The following MYSM1 variants were observed in gnomAD, a reference collection of about 807,000 sequenced individuals.
MYSM1 encodes Myb like, SWIRM and MPN domains 1, also known as deubiquitinase MYSM1.
A neutral mutation model predicts 116.0 loss-of-function variants in MYSM1; 51 were observed. The ratio of observed to expected loss-of-function variants is 0.44; its 90% CI spans 0.35 to 0.56. The LOEUF is 0.56. MYSM1 is among the 20% of genes least tolerant of loss of function. The pLI is 0.00. For missense variants in MYSM1, 900 were observed against 974.9 expected, an observed-to-expected ratio of 0.92 and a Z score of 1.02; for synonymous variants, 313 against 315.2, an observed-to-expected ratio of 0.99 and a Z score of 0.07.
intron 3 of MYSM1, among the ~76,000 whole-genome samples, chr1:58,692,039 G>A (rs373705014): frequency 2.6e-5 from 4 of 151,952 alleles, no homozygotes; most frequent in African/African-American, 7.3e-5. Flanking sequence ...TGAGGATATC[G>A]GAAAATTTTA....
chr1:58,690,286 G>T, intron 4 of MYSM1, 37 bp from the exon 5 acceptor site: 1 of 1,582,180 alleles, frequency 6.3e-7, no homozygotes, highest in Non-Finnish European at 8.6e-7. Context: ...GGAAGCGTGT[G>T]AGGTTTCTAA....
chr1:58,696,357 C>A (rs1410556260), intron 1 of MYSM1, among the ~76,000 whole-genome samples: 1 of 152,184 alleles, frequency 6.6e-6, no homozygotes, highest in African/African-American at 2.4e-5. Context: ...TGGATCTCTA[C>A]CTGAATCTCC....
chr1:58,690,418 C>T lies in MYSM1; in HGVS notation c.219-1G>A, dbSNP rs201886018. On this transcript the variant is annotated splice_acceptor_variant, in intron 3 of 19. Transcript: ENST00000472487. LOFTEE classifies it high-confidence loss of function. ...TTGTGATTTTTTAGATAAATAATATCTGTGTAACTATCAAGGAAACTTTTT... is the reference window on the plus strand; with the variant it reads ...TTGTGATTTTTTAGATAAATAATATTTGTGTAACTATCAAGGAAACTTTTT... The T allele has an allele frequency of 2.0e-4, 320 of 1,583,000 alleles. 1 individual carries two copies. Among genetic ancestry groups the T allele is most frequent in the Middle Eastern group, 5.0e-4 (3 of 5,944 alleles).
At chr1:58,698,101 TA>T (rs1360413989) in intron 1 of MYSM1, among the ~76,000 whole-genome samples, 13,254 of 32,844 alleles carry the variant, frequency 0.4, 2,739 homozygotes, top group South Asian at 0.56. Flanking sequence ...TATATATATA[TA>T]TTTTTTTTTT....
chr1:58,661,195 T>A lies in MYSM1; in HGVS notation c.2303A>T (p.Asp768Val). The A allele has an allele frequency of 6.2e-7, 1 of 1,613,310 alleles. No homozygotes were observed. The highest frequency in any genetic ancestry group is 8.5e-7 in the Non-Finnish European group (1 of 1,179,420). ...TTTCTGCAAACAAGTCAGGTCAGAA[T>A]CCCGGCGAAAGATTTTATCCATGGG... The part of the protein sequence containing the change: ...SVPMDKIFRR[D>V]SDLTCLQKLL... The change falls in exon 19 of 20, where the codon GAT becomes GTT. Residue 768 changes from aspartate (D) to valine (V), a missense_variant. By Grantham distance (152) the Asp-to-Val change is radical. Transcript: ENST00000472487.
Position 58,669,013 on chromosome 1 carries a change from G to GT in MYSM1, c.1686dup (p.Pro563ThrfsTer3). 6.2e-7 allele frequency: 1 copy of GT among 1,601,946 alleles called. No homozygotes were observed. The highest frequency in any genetic ancestry group is 2.2e-5 in the East Asian group (1 of 44,654). On this transcript the variant is annotated frameshift_variant, in exon 13 of 20. Coordinates refer to ENST00000472487, the MANE Select transcript of MYSM1 (RefSeq NM_001085487.3). LOFTEE classifies it high-confidence loss of function. ...TTTTCTTCACTAAAAAAATTACAAG[G>GT]TATCAGTTGGAAGGGATCAAACGAG...
At chr1:58,683,501 C>T (rs1644779399) in intron 7 of MYSM1, among the ~76,000 whole-genome samples, 1 of 151,982 alleles carries the variant, frequency 6.6e-6, no homozygotes, top group Non-Finnish European at 1.5e-5. Context: ...TATATTAAGC[C>T]ATAAAAGTAT....
intron 10 of MYSM1, among the ~76,000 whole-genome samples, chr1:58,675,150 G>GA (rs892787493): frequency 6.7e-5 from 10 of 148,960 alleles, no homozygotes; most frequent in Admixed American, 2.0e-4. Context: ...ATCAATGAGA[G>GA]AAAAAAAAAC....
intron 8 of MYSM1, among the ~76,000 whole-genome samples, chr1:58,677,360 T>C (rs472129): frequency 0.058 from 8,781 of 152,192 alleles, 793 homozygotes; most frequent in African/African-American, 0.2. Flanking sequence ...CAGACACAAA[T>C]TGAATCTTTA....
intron 15 of MYSM1, among the ~76,000 whole-genome samples, chr1:58,667,432 C>A (rs1644490723): frequency 6.6e-6 from 1 of 152,116 alleles, no homozygotes; most frequent in South Asian, 2.1e-4. Flanking sequence ...TCTACTCAAA[C>A]AAGGTCATAA....
rs1644349262 is a variant in MYSM1 at position 58,658,677 on chromosome 1, A to G, written c.*1320T>C. Reference sequence around the variant, plus strand: ...TAGTAAGAATGTTTGGTGAATAGCTATAAATCAATTCTCTGACTACTAAGA... The same window carrying G: ...TAGTAAGAATGTTTGGTGAATAGCTGTAAATCAATTCTCTGACTACTAAGA... On this transcript the variant is annotated 3_prime_UTR_variant, in exon 20 of 20. Coordinates refer to ENST00000472487, the MANE Select transcript of MYSM1 (RefSeq NM_001085487.3). 6.7e-6 allele frequency: 1 copy of G among 149,150 alleles called. No individual in the cohort carries two copies. The highest frequency in any genetic ancestry group is 2.0e-4 in the East Asian group (1 of 5,076). 9.2% of individuals were successfully genotyped at this position (149,150 alleles called of 1,614,324 possible).
intron 2 of MYSM1, among the ~76,000 whole-genome samples, chr1:58,694,334 A>G (rs1253190046): frequency 6.6e-6 from 1 of 152,194 alleles, no homozygotes; most frequent in Non-Finnish European, 1.5e-5. Context: ...ATAAGTAACT[A>G]CTACATGGCC....
chr1:58,692,187 G>A (rs534823955), intron 3 of MYSM1, among the ~76,000 whole-genome samples: 1 of 152,218 alleles, frequency 6.6e-6, no homozygotes, highest in South Asian at 2.1e-4. Context: ...AATCAACATG[G>A]CAATAAGTGG....
intron 6 of MYSM1, among the ~76,000 whole-genome samples, chr1:58,686,049 C>G (rs1047066222): frequency 2.0e-5 from 3 of 152,190 alleles, no homozygotes; most frequent in Admixed American, 2.0e-4. Flanking sequence ...CCTCAGCCTT[C>G]CCAGTAGCTG....
At chr1:58,696,329 T>C (rs1569812713) in intron 1 of MYSM1, among the ~76,000 whole-genome samples, 1 of 152,214 alleles carries the variant, frequency 6.6e-6, no homozygotes, top group African/African-American at 2.4e-5. Context: ...GCAACACTCA[T>C]ACTCTGGTAG....
chr1:58,665,713 T>A, intron 16 of MYSM1, 82 bp from the exon 17 acceptor site: 1 of 957,982 alleles, frequency 1.0e-6, no homozygotes, highest in South Asian at 1.7e-5. Context: ...ATTTTAAACA[T>A]CTAATGGGGA....
intron 4 of MYSM1, 34 bp downstream of exon 4, chr1:58,690,306 C>G (rs1248237497): frequency 6.3e-7 from 1 of 1,583,558 alleles, no homozygotes; most frequent in Non-Finnish European, 8.6e-7. Flanking sequence ...AAACTACAAT[C>G]CAGACTTTTA....
In MYSM1 at chr1:58,668,880, C is replaced by G. The variant is rs1259030610; in HGVS notation, c.1716+104G>C. The G allele has an allele frequency of 3.9e-6, 4 of 1,018,320 alleles. No homozygotes were observed. The East Asian group carries it at 7.7e-5, about 20-fold the overall frequency. 63.1% of individuals were successfully genotyped at this position (1,018,320 alleles called of 1,614,324 possible). A position where few individuals can be genotyped will look rare whatever the true frequency, so the allele number is the denominator to read the frequency against. ...GGAGAAATTCTCTCTCATTTTCAGT[C>G]TTTTTATACATATGCCTTGCACATA... On this transcript the variant is annotated intron_variant, in intron 13 of 19. Transcript: ENST00000472487.
chr1:58,675,421 C>CACT (rs1644635097), intron 10 of MYSM1, 56 bp downstream of exon 10: 1 of 1,305,748 alleles, frequency 7.7e-7, no homozygotes, highest in East Asian at 2.4e-5. Flanking sequence ...ACGTAAACCA[C>CACT]ACTAAACAGA....
Sources: allele counts gnomAD v4.1 joint callset (sites outside exome capture counted in the v4.1 genomes callset), GRCh38; gene constraint gnomAD v4.1.1; transcripts MANE v1.5; gene names NCBI Gene and HGNC (gene_info 2026-07-23, HGNC 2026-07-21).